The following DDX6 variants were observed in gnomAD, a reference collection of about 807,000 sequenced individuals.
The protein encoded by DDX6 is probable ATP-dependent RNA helicase DDX6.
DDX6 carries 7 observed loss-of-function variants against 60.6 expected under a neutral mutation model. That is an observed-to-expected ratio of 0.12 (90% CI 0.07 to 0.22). The LOEUF (loss-of-function observed/expected upper bound fraction) is 0.22. Among genes scored for constraint, DDX6 ranks in the 10% least tolerant of loss-of-function variants. DDX6 has a pLI of 1.00. For missense variants in DDX6, 270 were observed against 589.9 expected (o/e 0.46, Z 5.62); for synonymous variants, 207 against 201.0 (o/e 1.03, Z -0.25).
chr11:118,791,045 G>T (rs1034784699), intron 1 of DDX6, 53 bp downstream of exon 1: 2 of 149,630 alleles, frequency 1.3e-5, no homozygotes, highest in Admixed American at 1.3e-4. Context: ...CGCTCCGAGG[G>T]GCGCGCAGGC....
chr11:118,780,044 A>C (rs1476366508), intron 3 of DDX6, among the ~76,000 whole-genome samples: 1 of 135,752 alleles, frequency 7.4e-6, no homozygotes, highest in Non-Finnish European at 1.5e-5. Flanking sequence ...TGAACCCAGG[A>C]GACGGAGGTT....
At position 118,786,288 on chromosome 11, in the gene DDX6, CTT is replaced by C; in HGVS notation, c.-39_-38del. On this transcript the variant is annotated 5_prime_UTR_variant, in exon 2 of 14. Coordinates refer to ENST00000534980, the MANE Select transcript of DDX6 (RefSeq NM_004397.6). ...TGCAAAGGTCTTTCAAACTTCAAAA[CTT>C]TTGAAAGTCAGTAGAGAAACTGTAA... 6.4e-7 allele frequency: 1 copy of C among 1,551,280 alleles called. No homozygotes were observed. Among genetic ancestry groups the C allele is most frequent in the Non-Finnish European group, 8.8e-7 (1 of 1,142,632 alleles).
intron 2 of DDX6, 116 bp from the exon 3 acceptor site, chr11:118,781,300 T>G: frequency 3.2e-6 from 2 of 622,014 alleles, no homozygotes; most frequent in Non-Finnish European, 5.7e-6. Flanking sequence ...ATATTCCATT[T>G]AATATATCTA....
In DDX6 at chr11:118,779,186, G is replaced by A. The variant is rs1327964828; in HGVS notation, c.369+446C>T. Among the ~76,000 whole-genome samples, 3 of 151,526 alleles carry A rather than the reference G, an allele frequency of 2.0e-5. No individual in the cohort carries two copies. In the East Asian group the frequency reaches 5.8e-4, roughly 29 times the overall value. On this transcript the variant is annotated intron_variant, in intron 4 of 13. Transcript: ENST00000534980. ...AAAAAAAAAAAAAAGAGGGATGGGG[G>A]AAGGGGTTGTAGGCTGTATTTTTAA...
intron 5 of DDX6, 58 bp downstream of exon 5, chr11:118,768,165 T>G (rs1018588211): frequency 6.6e-7 from 1 of 1,518,592 alleles, no homozygotes; most frequent in East Asian, 2.3e-5. Flanking sequence ...CTTCTACACA[T>G]GGCTCCAAGG....
intron 2 of DDX6, among the ~76,000 whole-genome samples, chr11:118,781,414 A>G (rs1378068712): frequency 6.6e-6 from 1 of 152,224 alleles, no homozygotes; most frequent in Non-Finnish European, 1.5e-5. Context: ...CTCTTAAGCA[A>G]TATTGTATAC....
intron 12 of DDX6, among the ~76,000 whole-genome samples, 193 bp downstream of exon 12, chr11:118,755,209 A>T (rs1441139825): frequency 6.6e-6 from 1 of 152,254 alleles, no homozygotes; most frequent in East Asian, 1.9e-4. Context: ...TCTCAAATTA[A>T]GCAGTTATTT....
At position 118,748,697 on chromosome 11, in the gene DDX6, T is replaced by C. The variant is rs1157696700; in HGVS notation, c.*3408A>G. ...TTCCAAAGTGTTTCTAAATCCTTAGTGCAGACACCCTCCCTTCTGGGGCAA... is the reference window on the plus strand; with the variant it reads ...TTCCAAAGTGTTTCTAAATCCTTAGCGCAGACACCCTCCCTTCTGGGGCAA... On this transcript the variant is annotated 3_prime_UTR_variant, in exon 14 of 14. Transcript: ENST00000534980. 3.3e-5 allele frequency: 5 copies of C among 151,978 alleles called. No individual in the cohort carries two copies. The highest frequency in any genetic ancestry group is 7.4e-5 in the Non-Finnish European group (5 of 67,998). 9.4% of individuals were successfully genotyped at this position (151,978 alleles called of 1,614,324 possible). A position where few individuals can be genotyped will look rare whatever the true frequency, so the allele number is the denominator to read the frequency against.
intron 5 of DDX6, among the ~76,000 whole-genome samples, chr11:118,766,153 T>C: frequency 6.6e-6 from 1 of 151,666 alleles, no homozygotes; most frequent in East Asian, 1.9e-4. Flanking sequence ...GGCAGCACAG[T>C]GAGTAACTCA....
chr11:118,747,903 C>T lies in DDX6; in HGVS notation c.*4202G>A, dbSNP rs1230661935. 9.4e-5 allele frequency: 1 copy of T among 10,654 alleles called. No homozygotes were observed. Among genetic ancestry groups the T allele is most frequent in the African/African-American group, 3.3e-4 (1 of 3,022 alleles). The allele number at this position is 10,654 out of a possible 1,614,324, so 0.7% of individuals were successfully genotyped here. On this transcript the variant is annotated 3_prime_UTR_variant, in exon 14 of 14. Coordinates refer to ENST00000534980, the MANE Select transcript of DDX6 (RefSeq NM_004397.6). ...TAACACATCCCAACAAAAACAGAGC[C>T]CCCCCCCCCCCCACTGGAACATCTG...
rs1555156357 is a variant in DDX6, at chr11:118,748,507, C to A, written c.*3598G>T. The A allele has an allele frequency of 2.0e-5, 3 of 152,104 alleles. No homozygotes were observed. The highest frequency in any genetic ancestry group is 1.5e-5 in the Non-Finnish European group (1 of 68,014). 9.4% of individuals were successfully genotyped at this position (152,104 alleles called of 1,614,324 possible). The stretch of plus-strand genomic sequence containing the variant: ...CAATAATTTTGATAAAGGTATCTGG[C>A]AGGAAAATGATTCCACAATAACAAA... On this transcript the variant is annotated 3_prime_UTR_variant, in exon 14 of 14. Coordinates refer to ENST00000534980, the MANE Select transcript of DDX6 (RefSeq NM_004397.6).
chr11:118,758,931 C>A (rs782394277), intron 8 of DDX6, 29 bp from the exon 9 acceptor site: 4 of 1,611,640 alleles, frequency 2.5e-6, no homozygotes, highest in South Asian at 2.2e-5. Context: ...AAAGATGAGT[C>A]GTCGTCTTAA....
chr11:118,768,942 G>C (rs1861441848), intron 4 of DDX6, among the ~76,000 whole-genome samples: 1 of 118,354 alleles, frequency 8.4e-6, no homozygotes, highest in Non-Finnish European at 1.6e-5. Flanking sequence ...AGTGAGCCAT[G>C]ATTGCACCAC....
At chr11:118,773,940 G>A (rs17122435) in intron 4 of DDX6, among the ~76,000 whole-genome samples, 8,485 of 151,358 alleles carry the variant, frequency 0.056, 759 homozygotes, top group African/African-American at 0.19. Flanking sequence ...ATGATAAACC[G>A]ATTGTTAGCA....
rs782553341 is a variant in DDX6, at chr11:118,763,264, A to G, written c.689T>C (p.Ile230Thr). Residue 230 changes from isoleucine (I) to threonine (T), a missense_variant, in exon 7 of 14, where the codon ATT (isoleucine) becomes ACT (threonine). Physicochemically the swap from Ile to Thr is moderately conservative, Grantham distance 89. Coordinates refer to ENST00000534980, the MANE Select transcript of DDX6 (RefSeq NM_004397.6). ...IATPGRILDL[I>T]KKGVAKVDHV... ...ATCAACCTTTGCTACTCCTTTCTTA[A>G]TAAGATCCAGGATTCTCCCAGGGGT... The G allele has an allele frequency of 8.1e-6, 13 of 1,612,756 alleles. No homozygotes were observed. The highest frequency in any genetic ancestry group is 1.7e-5 in the Admixed American group (1 of 59,830).
intron 4 of DDX6, among the ~76,000 whole-genome samples, chr11:118,777,296 G>A (rs571913333): frequency 6.6e-6 from 1 of 152,180 alleles, no homozygotes; most frequent in East Asian, 1.9e-4. Flanking sequence ...CCTTAGCACA[G>A]CCTGAATTCA....
chr11:118,786,171 G>A lies in DDX6; in HGVS notation c.81C>T (p.Pro27=). ...QNGQLRGPVK[P]TGGPGGGGTQ... ...TGCCCCCTCCTCCAGGGCCACCAGT[G>A]GGTTTCACAGGGCCTCTCAGCTGAC... Residue 27 remains proline (P), a synonymous_variant, in exon 2 of 14, where the codon CCC becomes CCT. Transcript: ENST00000534980. 3 of 1,613,966 alleles carry A rather than the reference G, an allele frequency of 1.9e-6. No individual in the cohort carries two copies. Among genetic ancestry groups the A allele is most frequent in the Non-Finnish European group, 2.5e-6 (3 of 1,179,884 alleles).
In DDX6 at chr11:118,768,361, G is replaced by C; in HGVS notation, c.370-9C>G. ...ATGGGAATGCTCTCCTCCTAAAAGA[G>C]ATAAGACAATACAAAATTACTTCTG... is the stretch of plus-strand genomic sequence containing the variant. On this transcript the variant is annotated splice_polypyrimidine_tract_variant and intron_variant, in intron 4 of 13. Transcript: ENST00000534980. The C allele has an allele frequency of 1.2e-6, 2 of 1,611,206 alleles. No homozygotes were observed. Among genetic ancestry groups the C allele is most frequent in the Middle Eastern group, 2.2e-4 (1 of 4,580 alleles).
At chr11:118,770,233 G>A (rs1861492628) in intron 4 of DDX6, among the ~76,000 whole-genome samples, 1 of 151,210 alleles carries the variant, frequency 6.6e-6, no homozygotes, top group Admixed American at 6.6e-5. Flanking sequence ...TCACCATGTT[G>A]GCCAGGCTGG....
Sources: allele counts gnomAD v4.1 joint callset (sites outside exome capture counted in the v4.1 genomes callset), GRCh38; gene constraint gnomAD v4.1.1; transcripts MANE v1.5; gene names NCBI Gene and HGNC (gene_info 2026-07-23, HGNC 2026-07-21).